Variants in SH3RF3 observed in about 807,000 individuals in gnomAD.
SH3RF3 encodes the protein SH3 domain containing ring finger 3.
Under a neutral mutation model 66.3 loss-of-function variants are expected in SH3RF3, and 29 were observed. The ratio of observed to expected loss-of-function variants is 0.44; its 90% CI spans 0.33 to 0.60. The LOEUF (loss-of-function observed/expected upper bound fraction) is 0.60. Among genes scored for constraint, SH3RF3 ranks in the 20% least tolerant of loss-of-function variants. The probability of loss-of-function intolerance (pLI) is 0.04; values close to 1 mark genes in which losing one functional copy is unlikely to be tolerated. For synonymous variants in SH3RF3, 583 were observed against 532.0 expected (o/e 1.10, Z -1.32); for missense variants, 1,194 against 1,190.9 (o/e 1.00, Z -0.04).
chr2:109,322,711 A>G (rs556447813), intron 1 of SH3RF3, among the ~76,000 whole-genome samples: 99 of 152,348 alleles, frequency 6.5e-4, no homozygotes, highest in Middle Eastern at 3.4e-3. Context: ...AGTGATTTCT[A>G]ATTCATTAAG....
At chr2:109,407,031 C>CT (rs1373161902) in intron 4 of SH3RF3, among the ~76,000 whole-genome samples, 1 of 152,232 alleles carries the variant, frequency 6.6e-6, no homozygotes, top group Non-Finnish European at 1.5e-5. Flanking sequence ...TAGTGTGGCT[C>CT]TGACGGCTAT....
intron 1 of SH3RF3, among the ~76,000 whole-genome samples, chr2:109,235,409 C>A (rs1410606976): frequency 6.6e-6 from 1 of 152,136 alleles, no homozygotes; most frequent in Admixed American, 6.5e-5. Context: ...TGTGTGTTAG[C>A]TGAGGAGAGT....
At position 109,355,314 on chromosome 2, in the gene SH3RF3, G is replaced by C. The variant is rs1682927260; in HGVS notation, c.849+7365G>C. Among the ~76,000 whole-genome samples the C allele has an allele frequency of 2.0e-5, 3 of 152,314 alleles. No homozygotes were observed. In the South Asian group the frequency reaches 6.2e-4, roughly 32 times the overall value. On this transcript the variant is annotated intron_variant, in intron 2 of 9. Coordinates refer to ENST00000309415, the MANE Select transcript of SH3RF3 (RefSeq NM_001099289.3). ...GGCATATTGGCCCAGGAACTTGTCTGCTTCATCTGACTCTTGGTGATGCCT... is the reference window on the plus strand; with the variant it reads ...GGCATATTGGCCCAGGAACTTGTCTCCTTCATCTGACTCTTGGTGATGCCT...
intron 2 of SH3RF3, among the ~76,000 whole-genome samples, chr2:109,349,424 G>A (rs1276395270): frequency 6.6e-6 from 1 of 152,102 alleles, no homozygotes; most frequent in East Asian, 1.9e-4. Flanking sequence ...CCACTCAGTC[G>A]GAGGGCGAGA....
At chr2:109,433,716 G>A (rs1677315455) in intron 6 of SH3RF3, among the ~76,000 whole-genome samples, 1 of 152,250 alleles carries the variant, frequency 6.6e-6, no homozygotes, top group Admixed American at 6.5e-5. Context: ...TTCAGCCAGG[G>A]CCTCTCTCGA....
chr2:109,490,649 C>T lies in SH3RF3; in HGVS notation c.2193C>T (p.Ser731=). 6.7e-7 allele frequency: 1 copy of T among 1,500,748 alleles called. No homozygotes were observed. Among genetic ancestry groups the T allele is most frequent in the Non-Finnish European group, 8.9e-7 (1 of 1,123,800 alleles). The allele number at this position is 1,500,748 out of a possible 1,614,324, so 93.0% of individuals were successfully genotyped here. The part of the protein sequence containing the change: ...SGLLKLLAGA[S]TKKKSRSPPS... ...TCCTGAAGCTTCTAGCCGGAGCATC[C>T]ACCAAGAAGAAGTCACGCTCCCCGC... The change falls in exon 9 of 10, where the codon TCC becomes TCT. Residue 731 remains serine, a synonymous_variant. Coordinates refer to ENST00000309415, the MANE Select transcript of SH3RF3 (RefSeq NM_001099289.3).
At chr2:109,499,229 C>T (rs1679329049) in intron 9 of SH3RF3, among the ~76,000 whole-genome samples, 1 of 152,072 alleles carries the variant, frequency 6.6e-6, no homozygotes, top group African/African-American at 2.4e-5. Context: ...ACAGCCTCGG[C>T]GTCTGTGGAG....
At chr2:109,340,706 C>T (rs952444802) in intron 1 of SH3RF3, among the ~76,000 whole-genome samples, 3 of 152,156 alleles carry the variant, frequency 2.0e-5, no homozygotes, top group African/African-American at 7.2e-5. Context: ...ACACAAAGCT[C>T]TTTTCGTATC....
chr2:109,461,042 C>T (rs1379779025), intron 8 of SH3RF3, among the ~76,000 whole-genome samples: 1 of 152,224 alleles, frequency 6.6e-6, no homozygotes, highest in Non-Finnish European at 1.5e-5. Flanking sequence ...GCCACAGGTG[C>T]AGGCTGGGAG....
chr2:109,265,319 C>G (rs566218609), intron 1 of SH3RF3, among the ~76,000 whole-genome samples: 2 of 152,076 alleles, frequency 1.3e-5, no homozygotes, highest in Non-Finnish European at 2.9e-5. Flanking sequence ...GGGTGAGATG[C>G]GGAAAACAAG....
At chr2:109,493,944 G>T (rs1306251319) in intron 9 of SH3RF3, among the ~76,000 whole-genome samples, 2 of 152,052 alleles carry the variant, frequency 1.3e-5, no homozygotes, top group Non-Finnish European at 2.9e-5. Flanking sequence ...CTCCTAAGGA[G>T]TCTCCTCCGC....
At chr2:109,164,962 T>C (rs1043972345) in intron 1 of SH3RF3, among the ~76,000 whole-genome samples, 6 of 152,166 alleles carry the variant, frequency 3.9e-5, no homozygotes, top group African/African-American at 7.2e-5. Context: ...GTCGTAATTG[T>C]TTTTCTTTTT....
intron 1 of SH3RF3, among the ~76,000 whole-genome samples, chr2:109,254,963 T>TGTG: frequency 6.6e-6 from 1 of 152,314 alleles, no homozygotes; most frequent in Non-Finnish European, 1.5e-5. Context: ...TGAACACCTA[T>TGTG]GTGGGGCTCT....
At chr2:109,354,091 G>A (rs543842979) in intron 2 of SH3RF3, among the ~76,000 whole-genome samples, 8 of 152,352 alleles carry the variant, frequency 5.3e-5, no homozygotes, top group African/African-American at 9.6e-5. Flanking sequence ...GATGGCAGTC[G>A]GCTGTCAGAG....
chr2:109,158,635 G>T (rs1294938862), intron 1 of SH3RF3, among the ~76,000 whole-genome samples: 1 of 152,230 alleles, frequency 6.6e-6, no homozygotes, highest in Non-Finnish European at 1.5e-5. Flanking sequence ...AGGCTTGAGG[G>T]ATCTAAGTCG....
At chr2:109,308,300 T>A (rs1411710686) in intron 1 of SH3RF3, among the ~76,000 whole-genome samples, 1 of 122,070 alleles carries the variant, frequency 8.2e-6, no homozygotes, top group Non-Finnish European at 1.6e-5. Flanking sequence ...TTTGTTTGAG[T>A]TCATTGTAGA....
At chr2:109,434,025 C>A (rs1186462305) in intron 6 of SH3RF3, among the ~76,000 whole-genome samples, 1 of 152,220 alleles carries the variant, frequency 6.6e-6, no homozygotes, top group Non-Finnish European at 1.5e-5. Flanking sequence ...TCTGGATTTC[C>A]CATGCCAGTA....
At chr2:109,431,044 A>G (rs1017620051) in intron 5 of SH3RF3, among the ~76,000 whole-genome samples, 2 of 152,236 alleles carry the variant, frequency 1.3e-5, no homozygotes, top group East Asian at 1.9e-4. Flanking sequence ...AATCTCTACA[A>G]GGTTCTCCTG....
intron 1 of SH3RF3, among the ~76,000 whole-genome samples, chr2:109,232,472 C>G (rs548359912): frequency 5.9e-5 from 9 of 152,302 alleles, no homozygotes; most frequent in African/African-American, 2.2e-4. Context: ...ATGGTTACAC[C>G]TGTCCCGTAG....
Sources: allele counts gnomAD v4.1 joint callset (sites outside exome capture counted in the v4.1 genomes callset), GRCh38; gene constraint gnomAD v4.1.1; transcripts MANE v1.5; gene names NCBI Gene and HGNC (gene_info 2026-07-23, HGNC 2026-07-21).